The following DST variants were observed in gnomAD, a reference collection of about 807,000 sequenced individuals.
DST encodes the protein bullous pemphigoid antigen.
A neutral mutation model predicts 875.2 loss-of-function variants in DST; 253 were observed. That is an observed-to-expected ratio of 0.29 (90% CI 0.26 to 0.32). The LOEUF (loss-of-function observed/expected upper bound fraction) is 0.32. DST is among the 10% of genes least tolerant of loss of function. The pLI is 1.00. For missense variants in DST, 8,287 were observed against 9,111.6 expected, an observed-to-expected ratio of 0.91 and a Z score of 3.68; for synonymous variants, 3,124 against 3,197.1, an observed-to-expected ratio of 0.98 and a Z score of 0.77.
At chr6:56,873,800 T>C (rs1778444330) in intron 3 of DST, among the ~76,000 whole-genome samples, 1 of 152,154 alleles carries the variant, frequency 6.6e-6, no homozygotes. Context: ...TTGACAGCAA[T>C]ATAGGATAGC....
At chr6:56,831,213 T>G (rs903118194) in intron 4 of DST, among the ~76,000 whole-genome samples, 19 of 152,218 alleles carry the variant, frequency 1.2e-4, no homozygotes, top group African/African-American at 3.6e-4. Context: ...AACTTATTTC[T>G]CAGTACTAAA....
intron 35 of DST, among the ~76,000 whole-genome samples, chr6:56,624,877 T>C (rs1198554239): frequency 2.6e-5 from 4 of 152,138 alleles, no homozygotes. Flanking sequence ...TAATTAATCT[T>C]GAATAAACAT....
intron 4 of DST, among the ~76,000 whole-genome samples, chr6:56,787,420 T>C (rs1028016938): frequency 6.6e-5 from 10 of 152,046 alleles, no homozygotes; most frequent in African/African-American, 2.4e-4. Context: ...CAGGATTGAG[T>C]CCAACAAACT....
At chr6:56,886,050 C>G (rs1432115922) in intron 3 of DST, among the ~76,000 whole-genome samples, 1 of 152,106 alleles carries the variant, frequency 6.6e-6, no homozygotes, top group East Asian at 1.9e-4. Flanking sequence ...AGTGGACTTG[C>G]CAATACACAG....
At chr6:56,790,416 C>T (rs964442779) in intron 4 of DST, among the ~76,000 whole-genome samples, 4 of 152,180 alleles carry the variant, frequency 2.6e-5, no homozygotes, top group African/African-American at 9.7e-5. Flanking sequence ...TTTCACTATG[C>T]ATGCTACATT....
intron 2 of DST, among the ~76,000 whole-genome samples, chr6:56,932,673 C>T (rs181438258): frequency 4.3e-4 from 65 of 152,070 alleles, no homozygotes; most frequent in Non-Finnish European, 7.2e-4. Context: ...ATAGTAAGTG[C>T]CTATTCCATG....
chr6:56,557,878 T>A (rs1382910391), intron 58 of DST, among the ~76,000 whole-genome samples: 1 of 152,158 alleles, frequency 6.6e-6, no homozygotes, highest in Non-Finnish European at 1.5e-5. Flanking sequence ...TAATATCAAA[T>A]CTTCACTTAT....
intron 74 of DST, 126 bp from the exon 75 acceptor site, chr6:56,508,881 T>TA: frequency 1.4e-6 from 1 of 701,102 alleles, no homozygotes; most frequent in Non-Finnish European, 2.4e-6. Flanking sequence ...GACCAAGTTT[T>TA]GAATGACCCC....
chr6:56,859,281 C>T (rs1423611028), intron 3 of DST, among the ~76,000 whole-genome samples: 1 of 152,144 alleles, frequency 6.6e-6, no homozygotes, highest in African/African-American at 2.4e-5. Context: ...CCTATGTGCT[C>T]CCACACCTCC....
At position 56,517,190 on chromosome 6, in the gene DST, G is replaced by C; in HGVS notation, c.18357+8C>G. The stretch of plus-strand genomic sequence containing the variant: ...AGTCCCACTACCAGTCCACAGACAA[G>C]ATTATACCTTCATTGATTGCTTTTC... On this transcript the variant is annotated splice_region_variant and intron_variant, in intron 71 of 103. Coordinates refer to ENST00000680361, the MANE Select transcript of DST (RefSeq NM_001374736.1). 5 of 1,603,406 alleles carry C rather than the reference G, an allele frequency of 3.1e-6. No homozygotes were observed. The highest frequency in any genetic ancestry group is 4.3e-6 in the Non-Finnish European group (5 of 1,170,632).
At chr6:56,649,245 A>C (rs2098960924) in intron 12 of DST, among the ~76,000 whole-genome samples, 1 of 152,206 alleles carries the variant, frequency 6.6e-6, no homozygotes, top group Admixed American at 6.5e-5. Context: ...AAGGCTGCCA[A>C]CTGCTCTGTT....
intron 61 of DST, among the ~76,000 whole-genome samples, chr6:56,550,419 A>C (rs1482240821): frequency 2.0e-5 from 3 of 152,214 alleles, no homozygotes; most frequent in African/African-American, 7.2e-5. Context: ...ACAATCAAAT[A>C]AAACAATCTC....
At chr6:56,588,220 C>G (rs1466810306) in intron 49 of DST, among the ~76,000 whole-genome samples, 3 of 152,186 alleles carry the variant, frequency 2.0e-5, no homozygotes, top group African/African-American at 7.2e-5. Flanking sequence ...CCAATGAAAT[C>G]TATTCCCTAA....
intron 9 of DST, chr6:56,693,061 G>C (rs1469963175): frequency 1.6e-6 from 2 of 1,289,746 alleles, no homozygotes; most frequent in East Asian, 1.1e-4. Flanking sequence ...TCTTCCAGGA[G>C]AGTATTTTTC....
chr6:56,932,508 G>T (rs980854927), intron 2 of DST, among the ~76,000 whole-genome samples: 10 of 152,088 alleles, frequency 6.6e-5, no homozygotes, highest in African/African-American at 2.4e-4. Context: ...CAGCCGGGAG[G>T]CAAGAGAAGG....
At chr6:56,734,170 G>A (rs1285163999) in intron 5 of DST, among the ~76,000 whole-genome samples, 5 of 152,210 alleles carry the variant, frequency 3.3e-5, no homozygotes, top group Non-Finnish European at 7.3e-5. Flanking sequence ...CAAAGCAGAG[G>A]GTTTCAACCT....
intron 72 of DST, among the ~76,000 whole-genome samples, chr6:56,514,394 T>C (rs2096547021): frequency 6.6e-6 from 1 of 152,186 alleles, no homozygotes; most frequent in Non-Finnish European, 1.5e-5. Flanking sequence ...GTGTGGTCTC[T>C]AAAACTCTCT....
intron 4 of DST, among the ~76,000 whole-genome samples, chr6:56,813,473 A>G (rs945506115): frequency 7.2e-5 from 11 of 152,132 alleles, no homozygotes; most frequent in Non-Finnish European, 1.5e-4. Flanking sequence ...TTCTTATGCT[A>G]TTTCTTAAGA....
At chr6:56,724,877 C>G (rs1589234702) in intron 5 of DST, among the ~76,000 whole-genome samples, 1 of 152,160 alleles carries the variant, frequency 6.6e-6, no homozygotes, top group African/African-American at 2.4e-5. Flanking sequence ...ATCAGGACCA[C>G]AAGCCACTGT....
Sources: gnomAD v4.1 joint callset for allele counts (sites outside exome capture counted in the v4.1 genomes callset) on GRCh38, gnomAD v4.1.1 for gene constraint, MANE v1.5 for transcripts, NCBI Gene and HGNC (gene_info 2026-07-23, HGNC 2026-07-21) for gene names.